The following KDM7A variants were observed in gnomAD, a reference collection of about 807,000 sequenced individuals.
KDM7A encodes lysine-specific demethylase 7A.
In KDM7A, 28 loss-of-function variants were observed where a neutral mutation model predicts 114.8. The observed-to-expected ratio is 0.24, with a 90% CI of 0.18 to 0.33. The LOEUF (loss-of-function observed/expected upper bound fraction) is 0.33. Among genes scored for constraint, KDM7A ranks in the 10% least tolerant of loss-of-function variants. The probability of loss-of-function intolerance (pLI) is 1.00; values close to 1 mark genes in which losing one functional copy is unlikely to be tolerated. For synonymous variants in KDM7A, 423 were observed against 397.8 expected, an observed-to-expected ratio of 1.06 and a Z score of -0.75; for missense variants, 942 against 1,142.5, an observed-to-expected ratio of 0.82 and a Z score of 2.53.
intron 12 of KDM7A, among the ~76,000 whole-genome samples, chr7:140,100,659 GTT>G (rs1562945793): frequency 4.1e-5 from 3 of 72,438 alleles, no homozygotes; most frequent in African/African-American, 1.4e-4. Flanking sequence ...ATTTTAAAAA[GTT>G]ATATATATAT....
intron 7 of KDM7A, among the ~76,000 whole-genome samples, chr7:140,121,898 A>G (rs960595464): frequency 6.6e-6 from 1 of 152,172 alleles, no homozygotes. Flanking sequence ...GTAGTTTGGA[A>G]GCTTATCAGT....
At position 140,128,239 on chromosome 7, in the gene KDM7A, C is replaced by T. The variant is rs1284636805; in HGVS notation, c.560-656G>A. Reference sequence around the variant, plus strand: ...GTATAAACCCATGAAGTGGTGTTTACAGACCACTGCACTGCTACACTAGGA... The same window carrying T: ...GTATAAACCCATGAAGTGGTGTTTATAGACCACTGCACTGCTACACTAGGA... On this transcript the variant is annotated intron_variant, in intron 4 of 19. Transcript: ENST00000397560. Among the ~76,000 whole-genome samples, 7 of 152,326 alleles carry T rather than the reference C, an allele frequency of 4.6e-5. No individual in the cohort carries two copies. The East Asian group carries it at 1.3e-3, about 29-fold the overall frequency.
Position 140,098,945 on chromosome 7 carries a change from T to C in KDM7A, c.1852A>G (p.Met618Val). The change falls in exon 14 of 20, where the codon ATG (methionine) becomes GTG (valine). Residue 618 changes from methionine (M) to valine (V), a missense_variant. Met to Val is a conservative substitution (Grantham distance 21). This residue lies in a region of KDM7A where 512 missense variants were observed against 576.6 expected (regional missense o/e 0.89). Transcript: ENST00000397560. ...ACTCCTGAACTCTCTTCTATCTTCA[T>C]TTTTGCCTTTTTTGTCCTTCTTTTA... ...EDKRRTKKAK[M>V]KIEESSGVEG... is the part of the protein sequence containing the mutation. 1 of 1,613,538 alleles carries C rather than the reference T, an allele frequency of 6.2e-7. No homozygotes were observed.
chr7:140,163,962 A>G lies in KDM7A; in HGVS notation c.194+12782T>C, dbSNP rs1470817311. 2.0e-5 allele frequency among the ~76,000 whole-genome samples: 3 copies of G among 152,348 alleles called. No homozygotes were observed. In the East Asian group the frequency reaches 5.8e-4, roughly 29 times the overall value. On this transcript the variant is annotated intron_variant, in intron 1 of 19. Coordinates refer to ENST00000397560, the MANE Select transcript of KDM7A (RefSeq NM_030647.2). ...ATTTTATAATTATAATGATAAAGGT[A>G]TCATTCTGCAACTGCCATGAATGGA...
At chr7:140,143,077 G>A (rs1046281980) in intron 1 of KDM7A, among the ~76,000 whole-genome samples, 1 of 151,642 alleles carries the variant, frequency 6.6e-6, no homozygotes, top group South Asian at 2.1e-4. Context: ...ACTACTCGGA[G>A]GCTGAGGCAG....
At chr7:140,119,065 C>T (rs1344479503) in intron 9 of KDM7A, 48 bp downstream of exon 9, 2 of 1,088,410 alleles carry the variant, frequency 1.8e-6, no homozygotes, top group South Asian at 1.4e-5. Context: ...AGTGAATTTA[C>T]AAACAATATG....
At chr7:140,172,559 A>T (rs1031950651) in intron 1 of KDM7A, among the ~76,000 whole-genome samples, 1 of 152,198 alleles carries the variant, frequency 6.6e-6, no homozygotes, top group Non-Finnish European at 1.5e-5. Flanking sequence ...AGGCTGAGGC[A>T]GGAGAATGGC....
intron 1 of KDM7A, among the ~76,000 whole-genome samples, chr7:140,165,116 T>C (rs1562961449): frequency 6.6e-6 from 1 of 152,222 alleles, no homozygotes; most frequent in Non-Finnish European, 1.5e-5. Context: ...GGATACTTTA[T>C]ATCCCTGGGG....
chr7:140,167,248 A>G (rs1243931054), intron 1 of KDM7A, among the ~76,000 whole-genome samples: 1 of 151,992 alleles, frequency 6.6e-6, no homozygotes, highest in African/African-American at 2.4e-5. Flanking sequence ...GGTTGATACT[A>G]AAGTTCATAT....
At position 140,089,424 on chromosome 7, in the gene KDM7A, TTTC is replaced by T. The variant is rs1193908042; in HGVS notation, c.*1667_*1669del. ...CATGAAAGATGATGGTACAGACTTT[TTTC>T]TTCTTAGCAATTCAAGTGATACTTA... On this transcript the variant is annotated 3_prime_UTR_variant, in exon 20 of 20. Coordinates refer to ENST00000397560, the MANE Select transcript of KDM7A (RefSeq NM_030647.2). 1 of 152,192 alleles carries T rather than the reference TTTC, an allele frequency of 6.6e-6. No individual in the cohort carries two copies. The highest frequency in any genetic ancestry group is 2.4e-5 in the African/African-American group (1 of 41,450). 9.4% of individuals were successfully genotyped at this position (152,192 alleles called of 1,614,324 possible).
intron 1 of KDM7A, among the ~76,000 whole-genome samples, chr7:140,175,034 T>C (rs550733475): frequency 1.3e-5 from 2 of 152,346 alleles, no homozygotes; most frequent in Admixed American, 1.3e-4. Flanking sequence ...ACCTAAATGT[T>C]CGGATAATCT....
intron 1 of KDM7A, among the ~76,000 whole-genome samples, chr7:140,149,311 T>C (rs2116833507): frequency 6.6e-6 from 1 of 152,356 alleles, no homozygotes; most frequent in African/African-American, 2.4e-5. Context: ...GGTGATACAT[T>C]ATTTGCTTCA....
intron 3 of KDM7A, 28 bp downstream of exon 3, chr7:140,133,511 T>C: frequency 1.6e-6 from 2 of 1,259,304 alleles, no homozygotes; most frequent in Non-Finnish European, 2.3e-6. Context: ...ATTCTTACAT[T>C]TTCTTTTATC....
At chr7:140,161,796 G>A (rs182792830) in intron 1 of KDM7A, among the ~76,000 whole-genome samples, 403 of 151,580 alleles carry the variant, frequency 2.7e-3, no homozygotes, top group African/African-American at 7.8e-3. Context: ...CGCCCGCCTC[G>A]GCCTCCCAAA....
At chr7:140,145,168 T>C (rs1794326921) in intron 1 of KDM7A, among the ~76,000 whole-genome samples, 1 of 152,188 alleles carries the variant, frequency 6.6e-6, no homozygotes, top group Non-Finnish European at 1.5e-5. Context: ...TTTTCAACAA[T>C]GTTCACCCAT....
chr7:140,144,290 A>G (rs1363042910), intron 1 of KDM7A, among the ~76,000 whole-genome samples: 1 of 152,256 alleles, frequency 6.6e-6, no homozygotes, highest in Non-Finnish European at 1.5e-5. Flanking sequence ...AGTATGAGAC[A>G]ACATACATAT....
chr7:140,155,394 T>G (rs950717514), intron 1 of KDM7A, among the ~76,000 whole-genome samples: 2 of 152,234 alleles, frequency 1.3e-5, no homozygotes, highest in African/African-American at 4.8e-5. Flanking sequence ...TTCAAAGGTA[T>G]AATCTAGCAC....
intron 3 of KDM7A, 44 bp from the exon 4 acceptor site, chr7:140,129,697 G>A (rs777578698): frequency 8.1e-6 from 11 of 1,356,024 alleles, no homozygotes; most frequent in Non-Finnish European, 1.2e-5. Flanking sequence ...TTATTGGTAA[G>A]GTCAGTTTAA....
At chr7:140,151,942 C>G (rs984588115) in intron 1 of KDM7A, among the ~76,000 whole-genome samples, 1 of 152,186 alleles carries the variant, frequency 6.6e-6, no homozygotes, top group East Asian at 1.9e-4. Flanking sequence ...AAGATCATAC[C>G]TTGGGATAAA....
Sources: allele counts gnomAD v4.1 joint callset (sites outside exome capture counted in the v4.1 genomes callset), GRCh38; gene constraint gnomAD v4.1.1; regional missense constraint gnomAD v4.1.1; transcripts MANE v1.5; gene names NCBI Gene and HGNC (gene_info 2026-07-23, HGNC 2026-07-21).